Variants in ROBO2 observed in about 807,000 individuals in gnomAD.
ROBO2 encodes the protein roundabout homolog 2.
A neutral mutation model predicts 160.8 loss-of-function variants in ROBO2; 53 were observed. The observed-to-expected ratio is 0.33, with a 90% CI of 0.26 to 0.41. The LOEUF is 0.41. Among genes scored for constraint, ROBO2 ranks in the 10% least tolerant of loss-of-function variants. ROBO2 has a pLI of 1.00. For synonymous variants in ROBO2, 664 were observed against 611.7 expected (o/e 1.09, Z -1.26); for missense variants, 1,577 against 1,722.4 (o/e 0.92, Z 1.49).
chr3:76,702,968 A>G (rs1034267393), intron 2 of ROBO2, among the ~76,000 whole-genome samples: 13 of 152,148 alleles, frequency 8.5e-5, no homozygotes, highest in Admixed American at 3.9e-4. Context: ...GGCAGTTAAC[A>G]GAACACAGAG....
At chr3:76,274,966 C>A (rs1707835333) in intron 2 of ROBO2, among the ~76,000 whole-genome samples, 1 of 152,016 alleles carries the variant, frequency 6.6e-6, no homozygotes, top group South Asian at 2.1e-4. Flanking sequence ...AGATTTGTGC[C>A]ATTGTAACTT....
intron 2 of ROBO2, among the ~76,000 whole-genome samples, chr3:76,835,410 TAA>T (rs1491236274): frequency 8.1e-5 from 12 of 147,256 alleles, no homozygotes; most frequent in African/African-American, 2.7e-4. Flanking sequence ...TAATAATATA[TAA>T]TATATATAAT....
intron 2 of ROBO2, among the ~76,000 whole-genome samples, chr3:76,099,727 C>G (rs2069603309): frequency 6.6e-6 from 1 of 151,862 alleles, no homozygotes; most frequent in South Asian, 2.1e-4. Context: ...AAAATTTTCA[C>G]TTATTAAAAT....
At chr3:76,203,316 A>G (rs916596254) in intron 2 of ROBO2, among the ~76,000 whole-genome samples, 1 of 152,120 alleles carries the variant, frequency 6.6e-6, no homozygotes, top group African/African-American at 2.4e-5. Flanking sequence ...AATTTATTCT[A>G]CTTTCTCACT....
chr3:75,918,729 C>T (rs1051183903), intron 1 of ROBO2, among the ~76,000 whole-genome samples: 23 of 152,066 alleles, frequency 1.5e-4, no homozygotes, highest in African/African-American at 5.3e-4. Context: ...TTGTAGTTGT[C>T]CTTGAAGAGG....
chr3:76,173,391 G>A (rs1001601454), intron 2 of ROBO2, among the ~76,000 whole-genome samples: 1 of 151,718 alleles, frequency 6.6e-6, no homozygotes, highest in Non-Finnish European at 1.5e-5. Context: ...TGCTGGACTT[G>A]CAGTTTTATT....
chr3:77,544,111 T>A (rs1227249604), intron 6 of ROBO2, among the ~76,000 whole-genome samples: 5 of 5,558 alleles, frequency 9.0e-4, no homozygotes, highest in Non-Finnish European at 2.9e-3. Flanking sequence ...ACCTTAAGTG[T>A]TTTTTTTTTT....
intron 2 of ROBO2, among the ~76,000 whole-genome samples, chr3:76,504,729 C>G (rs1047890656): frequency 3.3e-5 from 5 of 151,778 alleles, no homozygotes; most frequent in African/African-American, 9.7e-5. Context: ...GGGGTTTCAC[C>G]GTGTTAGCCA....
intron 2 of ROBO2, among the ~76,000 whole-genome samples, chr3:77,226,303 T>C (rs1033273825): frequency 6.6e-5 from 10 of 152,042 alleles, no homozygotes; most frequent in African/African-American, 1.7e-4. Context: ...GTCCTTTTTT[T>C]TTTCAGTTTC....
At chr3:77,494,976 A>G (rs1482220145) in intron 5 of ROBO2, among the ~76,000 whole-genome samples, 1 of 152,166 alleles carries the variant, frequency 6.6e-6, no homozygotes, top group Non-Finnish European at 1.5e-5. Flanking sequence ...TCTTTAAAGG[A>G]ATGGTATTAG....
chr3:76,214,448 C>A (rs1469017418), intron 2 of ROBO2, among the ~76,000 whole-genome samples: 1 of 152,188 alleles, frequency 6.6e-6, no homozygotes, highest in African/African-American at 2.4e-5. Context: ...CCCGGAAAAT[C>A]TGGTCACTCC....
chr3:77,562,964 G>A (rs1345659830), intron 10 of ROBO2, among the ~76,000 whole-genome samples: 1 of 152,044 alleles, frequency 6.6e-6, no homozygotes, highest in Non-Finnish European at 1.5e-5. Flanking sequence ...GAAGTGTAAG[G>A]AATTCTAATG....
chr3:77,564,718 T>C (rs2093429585), intron 11 of ROBO2: 1 of 598,914 alleles, frequency 1.7e-6, no homozygotes, highest in Admixed American at 2.4e-5. Context: ...CTGTCACATC[T>C]CCTGGGCTGA....
chr3:77,595,762 A>G (rs977612526), intron 18 of ROBO2, among the ~76,000 whole-genome samples: 1 of 152,208 alleles, frequency 6.6e-6, no homozygotes, highest in Non-Finnish European at 1.5e-5. Context: ...AAAAGAGATT[A>G]AGTCTAATGA....
In ROBO2 at chr3:76,754,091, A is replaced by G. The variant is rs1290584514; in HGVS notation, c.110-343923A>G. 2.0e-5 allele frequency among the ~76,000 whole-genome samples: 3 copies of G among 152,100 alleles called. No individual in the cohort carries two copies. The East Asian group carries it at 5.8e-4, about 30-fold the overall frequency. ...ATTAGAGGCTGTATATTCAAAAGATAAACTGCATTTCTAATAGAAATAGCA... is the reference window on the plus strand; with the variant it reads ...ATTAGAGGCTGTATATTCAAAAGATGAACTGCATTTCTAATAGAAATAGCA... On this transcript the variant is annotated intron_variant, in intron 2 of 26. Transcript: ENST00000487694.
At chr3:77,379,050 C>T (rs934318869) in intron 2 of ROBO2, among the ~76,000 whole-genome samples, 1 of 151,766 alleles carries the variant, frequency 6.6e-6, no homozygotes, top group African/African-American at 2.4e-5. Flanking sequence ...CAGGTTCAAG[C>T]GATTCTCCTG....
At chr3:76,689,559 C>T (rs1233213054) in intron 2 of ROBO2, among the ~76,000 whole-genome samples, 1 of 152,086 alleles carries the variant, frequency 6.6e-6, no homozygotes, top group Non-Finnish European at 1.5e-5. Context: ...TCTCCTACTT[C>T]TGCACACAAA....
rs536236500 is a variant in ROBO2, at chr3:76,952,187, T to A, written c.110-145827T>A. Among the ~76,000 whole-genome samples the A allele has an allele frequency of 2.4e-4, 37 of 152,368 alleles. 1 individual carries two copies. The South Asian group carries it at 7.0e-3, about 29-fold the overall frequency. On this transcript the variant is annotated intron_variant, in intron 2 of 26. Transcript: ENST00000487694. Reference sequence around the variant, plus strand: ...ACTATGTCTGCTAATATTTTTTAAATCATCTGGTATAATAGATGGTTGCCA... The same window carrying A: ...ACTATGTCTGCTAATATTTTTTAAAACATCTGGTATAATAGATGGTTGCCA...
intron 2 of ROBO2, among the ~76,000 whole-genome samples, chr3:76,851,517 T>C (rs983059574): frequency 6.6e-6 from 1 of 150,600 alleles, no homozygotes; most frequent in Admixed American, 6.6e-5. Context: ...GGGTGGATCA[T>C]GAGGTCAGGA....
Sources: allele counts gnomAD v4.1 joint callset (sites outside exome capture counted in the v4.1 genomes callset), GRCh38; gene constraint gnomAD v4.1.1; transcripts MANE v1.5; gene names NCBI Gene and HGNC (gene_info 2026-07-23, HGNC 2026-07-21).